The following XIRP2 variants were observed in gnomAD, a reference collection of about 807,000 sequenced individuals.
XIRP2 encodes the protein xin actin binding repeat containing 2.
A neutral mutation model predicts 277.0 loss-of-function variants in XIRP2; 236 were observed. That is an observed-to-expected ratio of 0.85 (90% CI 0.77 to 0.95). The LOEUF (loss-of-function observed/expected upper bound fraction) is 0.95. XIRP2 is among the 40% of genes least tolerant of loss of function. The pLI is 0.00. For missense variants in XIRP2, 4,640 were observed against 4,157.5 expected, an observed-to-expected ratio of 1.12 and a Z score of -3.19; for synonymous variants, 1,490 against 1,416.5, an observed-to-expected ratio of 1.05 and a Z score of -1.17.
At chr2:166,908,217 T>A (rs1369388357) in intron 2 of XIRP2, among the ~76,000 whole-genome samples, 1 of 152,156 alleles carries the variant, frequency 6.6e-6, no homozygotes, top group Admixed American at 6.5e-5. Context: ...TTGAACTAGT[T>A]TACAGTCCCA....
chr2:166,912,265 C>A (rs1258080858), intron 2 of XIRP2, among the ~76,000 whole-genome samples: 1 of 152,216 alleles, frequency 6.6e-6, no homozygotes, highest in Non-Finnish European at 1.5e-5. Flanking sequence ...TAGATTTGGT[C>A]TTTTCACATA....
intron 2 of XIRP2, among the ~76,000 whole-genome samples, chr2:166,973,906 A>G (rs1270254480): frequency 6.6e-6 from 1 of 152,216 alleles, no homozygotes; most frequent in East Asian, 1.9e-4. Context: ...TTTGTTTATC[A>G]TAGAGAAGTC....
intron 3 of XIRP2, among the ~76,000 whole-genome samples, chr2:167,167,419 CT>C (rs1692557489): frequency 6.6e-6 from 1 of 152,002 alleles, no homozygotes; most frequent in South Asian, 2.1e-4. Context: ...TTCCACCATT[CT>C]TTTTATGCTT....
intron 2 of XIRP2, among the ~76,000 whole-genome samples, chr2:167,100,159 AAAAAAAAAATT>A (rs897854069): frequency 3.5e-4 from 52 of 148,986 alleles, no homozygotes; most frequent in Non-Finnish European, 5.1e-4. Flanking sequence ...ACCATAGTCT[AAAAAAAAAATT>A]AAAAAAAAAT....
chr2:167,099,712 A>G (rs1690436638), intron 2 of XIRP2, among the ~76,000 whole-genome samples: 1 of 152,084 alleles, frequency 6.6e-6, no homozygotes, highest in South Asian at 2.1e-4. Flanking sequence ...GCTGGATAGC[A>G]CCATCCCTCA....
intron 2 of XIRP2, among the ~76,000 whole-genome samples, chr2:167,042,522 G>A (rs768982869): frequency 2.6e-5 from 4 of 151,804 alleles, no homozygotes; most frequent in African/African-American, 4.8e-5. Context: ...AAAATGAAAC[G>A]AACGAACAAA....
At chr2:167,044,814 T>C (rs1046671633) in intron 2 of XIRP2, among the ~76,000 whole-genome samples, 46 of 152,082 alleles carry the variant, frequency 3.0e-4, no homozygotes, top group African/African-American at 1.1e-3. Flanking sequence ...ATCATCAAAA[T>C]AGCCATACAG....
At chr2:167,124,365 C>T (rs534540744) in intron 2 of XIRP2, 1 of 152,290 alleles carries the variant, frequency 6.6e-6, no homozygotes, top group East Asian at 1.9e-4. Context: ...TTTTCCTCCT[C>T]TCCCCAGAGG....
intron 2 of XIRP2, among the ~76,000 whole-genome samples, chr2:167,093,950 C>G: frequency 6.6e-6 from 1 of 152,236 alleles, no homozygotes; most frequent in East Asian, 1.9e-4. Context: ...AAAAGCATTC[C>G]TATTTCTCCA....
In XIRP2 at chr2:167,244,715, A is replaced by G. The variant is rs759013961; in HGVS notation, c.3323A>G (p.Glu1108Gly). ...ACCCAGCCAATGGAGTCTCTTTATG[A>G]AAAAGTTTCGTTAATGACCAGCAGT... is the stretch of plus-strand genomic sequence containing the variant. ...FETQPMESLY[E>G]KVSLMTSSEE... Residue 1108 changes from glutamate (E) to glycine (G), a missense_variant, in exon 9 of 11, where the codon GAA (glutamate) becomes GGA (glycine). Glu to Gly is a moderately conservative substitution (Grantham distance 98, BLOSUM62 -2). Transcript: ENST00000409195. The G allele has an allele frequency of 1.1e-5, 18 of 1,613,134 alleles. No homozygotes were observed. The highest frequency in any genetic ancestry group is 1.5e-5 in the Non-Finnish European group (18 of 1,179,652).
chr2:166,948,843 G>T (rs919843916), intron 2 of XIRP2, among the ~76,000 whole-genome samples: 3 of 151,946 alleles, frequency 2.0e-5, no homozygotes, highest in African/African-American at 7.2e-5. Flanking sequence ...CAGAACATTT[G>T]AAAAACACGG....
intron 2 of XIRP2, among the ~76,000 whole-genome samples, chr2:167,117,924 T>A (rs1312960485): frequency 2.6e-5 from 4 of 152,244 alleles, no homozygotes; most frequent in Non-Finnish European, 5.9e-5. Context: ...TTGTCTCTTA[T>A]ACCCTTTGTT....
chr2:167,186,913 T>C (rs145615138), intron 3 of XIRP2, among the ~76,000 whole-genome samples: 109 of 152,152 alleles, frequency 7.2e-4, no homozygotes, highest in African/African-American at 2.4e-3. Context: ...ATGTTTTACA[T>C]ATCTAAGAAC....
chr2:167,096,434 C>G (rs905565702), intron 2 of XIRP2, among the ~76,000 whole-genome samples: 3 of 151,552 alleles, frequency 2.0e-5, no homozygotes, highest in African/African-American at 7.3e-5. Context: ...TTGATTCTTC[C>G]CTCTTTTATT....
At chr2:167,093,122 A>C (rs1223185011) in intron 2 of XIRP2, among the ~76,000 whole-genome samples, 1 of 152,158 alleles carries the variant, frequency 6.6e-6, no homozygotes, top group African/African-American at 2.4e-5. Flanking sequence ...AATAATGTCA[A>C]ATATATTTTT....
chr2:166,896,874 C>T (rs1684257479), intron 1 of XIRP2, among the ~76,000 whole-genome samples: 1 of 152,114 alleles, frequency 6.6e-6, no homozygotes, highest in East Asian at 1.9e-4. Flanking sequence ...TATATTTTTA[C>T]TGTACCTTTT....
chr2:167,230,765 T>A (rs1290833678), intron 5 of XIRP2, among the ~76,000 whole-genome samples: 1 of 152,060 alleles, frequency 6.6e-6, no homozygotes, highest in East Asian at 1.9e-4. Flanking sequence ...AAGGGCCTTG[T>A]ACTTTACTTT....
At chr2:166,911,225 C>A (rs1410133245) in intron 2 of XIRP2, among the ~76,000 whole-genome samples, 1 of 152,048 alleles carries the variant, frequency 6.6e-6, no homozygotes, top group African/African-American at 2.4e-5. Flanking sequence ...TTAAAGTCTC[C>A]CATTATTATT....
chr2:167,153,446 T>C (rs989252969), intron 3 of XIRP2, among the ~76,000 whole-genome samples: 1 of 152,112 alleles, frequency 6.6e-6, no homozygotes, highest in Admixed American at 6.6e-5. Context: ...TTAGGGTACA[T>C]GTGCACAATG....
Sources: gnomAD v4.1 joint callset for allele counts (sites outside exome capture counted in the v4.1 genomes callset) on GRCh38, gnomAD v4.1.1 for gene constraint, MANE v1.5 for transcripts, NCBI Gene and HGNC (gene_info 2026-07-23, HGNC 2026-07-21) for gene names.